IKBKE: variants seen among roughly 807,000 people sequenced by gnomAD.
The protein encoded by IKBKE is inhibitor of nuclear factor kappa B kinase subunit epsilon.
In IKBKE, 45 loss-of-function variants were observed where a neutral mutation model predicts 92.1. The ratio of observed to expected loss-of-function variants is 0.49; its 90% CI spans 0.38 to 0.63. The LOEUF (loss-of-function observed/expected upper bound fraction) is 0.63, where lower values mean the gene tolerates loss of function less well. Ranked by LOEUF, IKBKE falls within the 20% of genes least tolerant of loss-of-function variation. The pLI, the probability that IKBKE is intolerant of heterozygous loss-of-function variation, is 0.00. For missense variants in IKBKE, 700 were observed against 932.8 expected, an observed-to-expected ratio of 0.75 and a Z score of 3.25; for synonymous variants, 374 against 380.3, an observed-to-expected ratio of 0.98 and a Z score of 0.19.
rs41299001 is a variant in IKBKE, at chr1:206,482,362, A to G, written c.1427+1829A>G. 6.0e-3 allele frequency among the ~76,000 whole-genome samples: 907 copies of G among 152,268 alleles called. 8 individuals carry two copies. The highest frequency in any genetic ancestry group is 0.021 in the African/African-American group (874 of 41,544). The stretch of plus-strand genomic sequence containing the variant: ...AGTAGAGAGCCATTGTAGATTCTTG[A>G]CCTGGAAAGATGTGTTTGGGAAAGC... On this transcript the variant is annotated intron_variant, in intron 13 of 21. Transcript: ENST00000581977.
rs1553384294 is a variant in IKBKE at position 206,473,303 on chromosome 1, G to T, written c.76G>T (p.Ala26Ser). 6.2e-7 allele frequency: 1 copy of T among 1,612,346 alleles called. No individual in the cohort carries two copies. Among genetic ancestry groups the T allele is most frequent in the Non-Finnish European group, 8.5e-7 (1 of 1,179,266 alleles). ...GQGATASVYK[A>S]RNKKSGELVA... is the part of the protein sequence containing the mutation. ...GGGGGCCACTGCCAGTGTGTACAAG[G>T]CCCGCAACAAGGTAGGAAGCAACCC... The change falls in exon 3 of 22, where the codon GCC becomes TCC. Residue 26 changes from alanine to serine, a missense_variant. Physicochemically the swap from Ala to Ser is moderately conservative, Grantham distance 99 (BLOSUM62 1). Transcript: ENST00000581977.
At chr1:206,492,672 T>G in intron 18 of IKBKE, 1 of 507,704 alleles carries the variant, frequency 2.0e-6, no homozygotes, top group Non-Finnish European at 4.0e-6. Flanking sequence ...CGTGGGCAGT[T>G]CCCCACACTG....
chr1:206,494,055 G>A (rs1666093346), intron 21 of IKBKE, 64 bp downstream of exon 21: 1 of 1,405,654 alleles, frequency 7.1e-7, no homozygotes, highest in South Asian at 1.2e-5. Context: ...CCTGGGGGTG[G>A]TGAAGAGTCC....
chr1:206,473,745 C>T (rs41295998), intron 3 of IKBKE, among the ~76,000 whole-genome samples: 3,595 of 152,034 alleles, frequency 0.024, 61 homozygotes, highest in South Asian at 0.063. Context: ...GGGCAGATCA[C>T]GAGGTCAGGA....
intron 1 of IKBKE, 126 bp downstream of exon 1, chr1:206,470,824 TTGTG>T (rs1345655007): frequency 4.6e-5 from 7 of 152,142 alleles, no homozygotes; most frequent in Admixed American, 1.3e-4. Flanking sequence ...ACATAGAGCG[TTGTG>T]TGTGGCATGG....
intron 13 of IKBKE, 141 bp downstream of exon 13, chr1:206,480,674 GCA>G (rs1553386859): frequency 2.2e-5 from 15 of 675,186 alleles, no homozygotes; most frequent in Non-Finnish European, 3.7e-5. Flanking sequence ...GAGGGCACCC[GCA>G]CCCTATCCCT....
At position 206,485,018 on chromosome 1, in the gene IKBKE, G is replaced by C. The variant is rs151103081; in HGVS notation, c.1449G>C (p.Thr483=). Residue 483 remains threonine, a synonymous_variant, in exon 14 of 22, where the codon ACG becomes ACC. Transcript: ENST00000581977. This position sits in a 1 kb window ranked among gnomAD's most constrained non-coding sequence, Gnocchi z 5.0. ...GTERFSSVAG[T]PEIQELKAAA... ...CAAGGTTCAGCAGCGTGGCTGGAAC[G>C]CCTGAGATCCAGGAACTGAAGGCGG... 21 of 1,613,996 alleles carry C rather than the reference G, an allele frequency of 1.3e-5. 1 individual carries two copies. Among genetic ancestry groups the C allele is most frequent in the East Asian group, 6.7e-5 (3 of 44,896 alleles).
rs2103482167 is a variant in IKBKE at position 206,490,911 on chromosome 1, G to A, written c.1733+53G>A. ...GTGGGCAGGAGGGTGGGTGTCCTCA[G>A]GGCAGAGCGATTCTCAACGCCAGAG... On this transcript the variant is annotated intron_variant, in intron 17 of 21. Transcript: ENST00000581977. The surrounding 1 kb of genome is among the most constrained non-coding windows in gnomAD (Gnocchi z 5.2). The A allele has an allele frequency of 1.3e-6, 2 of 1,530,352 alleles. No homozygotes were observed. The highest frequency in any genetic ancestry group is 2.2e-5 in the South Asian group (2 of 89,444). 94.8% of individuals were successfully genotyped at this position (1,530,352 alleles called of 1,614,324 possible).
At position 206,484,115 on chromosome 1, in the gene IKBKE, A is replaced by G. The variant is rs1665533846; in HGVS notation, c.1428-882A>G. 1.4e-4 allele frequency among the ~76,000 whole-genome samples: 19 copies of G among 132,094 alleles called. No individual in the cohort carries two copies. In the South Asian group the frequency reaches 4.7e-3, roughly 32 times the overall value. 86.7% of individuals were successfully genotyped at this position (132,094 alleles called of 152,430 possible). On this transcript the variant is annotated intron_variant, in intron 13 of 21. Transcript: ENST00000581977. Reference sequence around the variant, plus strand: ...TTTATTTTGTATTGTATTGTATTGTATTGTATTGTATTGTATTGTATTGTA... The same window carrying G: ...TTTATTTTGTATTGTATTGTATTGTGTTGTATTGTATTGTATTGTATTGTA...
At position 206,476,959 on chromosome 1, in the gene IKBKE, C is replaced by G. The variant is rs975963516; in HGVS notation, c.701+121C>G. 36 of 1,035,638 alleles carry G rather than the reference C, an allele frequency of 3.5e-5. 1 individual carries two copies. The South Asian group carries it at 4.5e-4, about 13-fold the overall frequency. 64.2% of individuals were successfully genotyped at this position (1,035,638 alleles called of 1,614,324 possible). A position where few individuals can be genotyped will look rare whatever the true frequency, so the allele number is the denominator to read the frequency against. On this transcript the variant is annotated intron_variant, in intron 7 of 21. Transcript: ENST00000581977. The surrounding 1 kb of genome is among the most constrained non-coding windows in gnomAD (Gnocchi z 5.1). ...CCATGGCCCTCCTCTGGTCCACCCC[C>G]CAACCCAGGCTCTTTGTAGATCTTT...
At chr1:206,471,273 C>A (rs772298579) in intron 2 of IKBKE, 28 bp downstream of exon 2, 1 of 151,892 alleles carries the variant, frequency 6.6e-6, no homozygotes, top group Non-Finnish European at 1.5e-5. Flanking sequence ...CAGCAGAGCC[C>A]TGAGGAGGGA....
In IKBKE at chr1:206,473,261, G is replaced by C. The variant is rs1553384271; in HGVS notation, c.34G>C (p.Asp12His). The change falls in exon 3 of 22, where the codon GAT becomes CAT. Residue 12 changes from aspartate (D) to histidine (H), a missense_variant. Coordinates refer to ENST00000581977, the MANE Select transcript of IKBKE (RefSeq NM_014002.4). ...CACAGCCAATTACCTGTGGCACACA[G>C]ATGACCTGCTGGGGCAGGGGGCCAC... ...QSTANYLWHTDDLLGQGATAS... is the reference protein window; with the variant it reads ...QSTANYLWHTHDLLGQGATAS... The C allele has an allele frequency of 6.2e-7, 1 of 1,613,346 alleles. No homozygotes were observed. Among genetic ancestry groups the C allele is most frequent in the African/African-American group, 1.3e-5 (1 of 75,052 alleles).
chr1:206,482,990 C>T (rs41299005), intron 13 of IKBKE, among the ~76,000 whole-genome samples: 8,305 of 152,354 alleles, frequency 0.055, 332 homozygotes, highest in Non-Finnish European at 0.093. Flanking sequence ...TCAGGTTCCC[C>T]AGGACAGGTC....
At chr1:206,483,165 A>G (rs181155391) in intron 13 of IKBKE, among the ~76,000 whole-genome samples, 2 of 152,268 alleles carry the variant, frequency 1.3e-5, no homozygotes, top group African/African-American at 2.4e-5. Context: ...CTTCATCTCC[A>G]AGGTCCCTTT....
rs1397042130 is a variant in IKBKE at position 206,496,544 on chromosome 1, T to C, written c.*399T>C. The stretch of plus-strand genomic sequence containing the variant: ...AACAGGAGAGGAGGCCTCCTGGGGT[T>C]TCCCCAGGGCAGTAGGTCAAACGAC... On this transcript the variant is annotated 3_prime_UTR_variant, in exon 22 of 22. Coordinates refer to ENST00000581977, the MANE Select transcript of IKBKE (RefSeq NM_014002.4). 9 of 273,490 alleles carry C rather than the reference T, an allele frequency of 3.3e-5. No homozygotes were observed. The highest frequency in any genetic ancestry group is 4.9e-5 in the Non-Finnish European group (7 of 143,258). The allele number at this position is 273,490 out of a possible 1,614,324, so 16.9% of individuals were successfully genotyped here.
At position 206,480,039 on chromosome 1, in the gene IKBKE, C is replaced by A; in HGVS notation, c.1266C>A (p.Gly422=). ...YNTAKGVLGA[G]YQALRLARAL... is the part of the protein sequence containing the mutation. ...TGTTTCAGGGCGTGTTGGGCGCCGG[C>A]TACCAGGCCCTGCGGCTGGCACGGG... Residue 422 remains glycine, a synonymous_variant, in exon 12 of 22, where the codon GGC becomes GGA. Transcript: ENST00000581977. 6.2e-6 allele frequency: 10 copies of A among 1,608,160 alleles called. No homozygotes were observed. The highest frequency in any genetic ancestry group is 8.5e-6 in the Non-Finnish European group (10 of 1,177,688).
intron 13 of IKBKE, among the ~76,000 whole-genome samples, chr1:206,483,110 G>A (rs533561566): frequency 2.0e-5 from 3 of 152,308 alleles, no homozygotes; most frequent in South Asian, 4.1e-4. Context: ...GGGAATCCTA[G>A]GGCTTCCCCC....
chr1:206,492,655 A>C (rs890784525), intron 18 of IKBKE: 1 of 492,066 alleles, frequency 2.0e-6, no homozygotes, highest in Admixed American at 2.3e-5. Flanking sequence ...CACACTGGAA[A>C]TGAGAGCGTG....
At chr1:206,482,511 C>T (rs1553387415) in intron 13 of IKBKE, among the ~76,000 whole-genome samples, 2 of 152,362 alleles carry the variant, frequency 1.3e-5, no homozygotes, top group Admixed American at 6.5e-5. Flanking sequence ...TGTTCTGGCT[C>T]TGCAGCCTCC....
Sources: gnomAD v4.1 joint callset for allele counts (sites outside exome capture counted in the v4.1 genomes callset) on GRCh38, gnomAD v4.1.1 for gene constraint, Gnocchi (gnomAD v3.1) non-coding constraint, MANE v1.5 for transcripts, NCBI Gene and HGNC (gene_info 2026-07-23, HGNC 2026-07-21) for gene names.